Variants in PPP1R12B observed in about 807,000 individuals in gnomAD.
PPP1R12B encodes myosin phosphatase target subunit 2.
In PPP1R12B, 76 loss-of-function variants were observed where a neutral mutation model predicts 126.1. The observed-to-expected ratio is 0.60, with a 90% CI of 0.50 to 0.73. The LOEUF (loss-of-function observed/expected upper bound fraction) is 0.73, where lower values mean the gene tolerates loss of function less well. Ranked by LOEUF, PPP1R12B falls within the 30% of genes least tolerant of loss-of-function variation. PPP1R12B has a pLI of 0.00. For synonymous variants in PPP1R12B, 356 were observed against 434.7 expected, an observed-to-expected ratio of 0.82 and a Z score of 2.25; for missense variants, 1,052 against 1,205.1, an observed-to-expected ratio of 0.87 and a Z score of 1.88.
At chr1:202,404,094 A>T (rs1403617650) in intron 1 of PPP1R12B, among the ~76,000 whole-genome samples, 2 of 152,120 alleles carry the variant, frequency 1.3e-5, no homozygotes, top group Non-Finnish European at 2.9e-5. Flanking sequence ...TCTAAGATAC[A>T]ATTCTGTTAG....
chr1:202,519,945 C>T (rs1203195478), intron 18 of PPP1R12B, among the ~76,000 whole-genome samples: 1 of 152,134 alleles, frequency 6.6e-6, no homozygotes, highest in Non-Finnish European at 1.5e-5. Context: ...TGTGTGTACA[C>T]CCACACAGAA....
chr1:202,381,863 G>T (rs1405587447), intron 1 of PPP1R12B, among the ~76,000 whole-genome samples: 2 of 152,304 alleles, frequency 1.3e-5, no homozygotes, highest in South Asian at 2.1e-4. Flanking sequence ...GAAACAAAGG[G>T]CTGGAAGGAT....
At chr1:202,498,408 G>A (rs879736186) in intron 18 of PPP1R12B, among the ~76,000 whole-genome samples, 9 of 152,210 alleles carry the variant, frequency 5.9e-5, no homozygotes, top group Non-Finnish European at 1.3e-4. Context: ...GATAAGCTAA[G>A]GTTGCTATAA....
At chr1:202,452,607 A>G (rs1673144652) in intron 13 of PPP1R12B, among the ~76,000 whole-genome samples, 1 of 151,528 alleles carries the variant, frequency 6.6e-6, no homozygotes, top group African/African-American at 2.4e-5. Flanking sequence ...GGAGAGGGAG[A>G]AGGGGGTTTA....
intron 1 of PPP1R12B, among the ~76,000 whole-genome samples, chr1:202,394,065 G>A (rs2148533422): frequency 6.6e-6 from 1 of 152,254 alleles, no homozygotes; most frequent in Middle Eastern, 3.4e-3. Flanking sequence ...ATGGCCGGGT[G>A]TGGTGGCTCA....
At chr1:202,495,512 C>G in intron 16 of PPP1R12B, 30 bp downstream of exon 16, 1 of 1,608,798 alleles carries the variant, frequency 6.2e-7, no homozygotes, top group Non-Finnish European at 8.5e-7. Flanking sequence ...ACACAGGCCC[C>G]TCCACAGTGC....
intron 1 of PPP1R12B, among the ~76,000 whole-genome samples, chr1:202,402,037 G>T (rs1164846413): frequency 6.6e-6 from 1 of 152,240 alleles, no homozygotes; most frequent in Non-Finnish European, 1.5e-5. Flanking sequence ...TTTGACTGCA[G>T]ATAAGTAAGC....
intron 1 of PPP1R12B, among the ~76,000 whole-genome samples, chr1:202,415,018 A>G (rs1334449332): frequency 3.9e-5 from 6 of 152,086 alleles, no homozygotes; most frequent in African/African-American, 7.2e-5. Flanking sequence ...GGCTCAAGCA[A>G]TCCTACCACC....
At chr1:202,535,255 T>G (rs1199410914) in intron 18 of PPP1R12B, among the ~76,000 whole-genome samples, 1 of 152,196 alleles carries the variant, frequency 6.6e-6, no homozygotes, top group Non-Finnish European at 1.5e-5. Flanking sequence ...CCAAACCATG[T>G]GTACAGCACC....
chr1:202,427,820 A>AT (rs1235944436), intron 5 of PPP1R12B, among the ~76,000 whole-genome samples: 2 of 150,778 alleles, frequency 1.3e-5, no homozygotes, highest in African/African-American at 2.4e-5. Flanking sequence ...AATTTTTTGT[A>AT]TTTTTTTTAT....
intron 19 of PPP1R12B, chr1:202,562,573 C>T: frequency 2.7e-6 from 2 of 738,008 alleles, no homozygotes. Context: ...AAATGATGGT[C>T]AGCCTCCCTC....
chr1:202,577,855 G>T (rs1280456150), intron 23 of PPP1R12B, among the ~76,000 whole-genome samples: 3 of 152,160 alleles, frequency 2.0e-5, no homozygotes, highest in African/African-American at 7.2e-5. Flanking sequence ...TTTGCCCAGG[G>T]TATCTTTAAC....
intron 8 of PPP1R12B, among the ~76,000 whole-genome samples, 161 bp from the exon 9 acceptor site, chr1:202,434,495 T>G (rs992487133): frequency 2.4e-4 from 37 of 152,204 alleles, no homozygotes; most frequent in African/African-American, 8.7e-4. Context: ...CTGCCAACAG[T>G]TGCAAGAGTT....
chr1:202,551,877 A>G (rs892254217), intron 18 of PPP1R12B, among the ~76,000 whole-genome samples: 1 of 152,218 alleles, frequency 6.6e-6, no homozygotes, highest in African/African-American at 2.4e-5. Context: ...CTACCCTGCA[A>G]GGCAGTGGGT....
chr1:202,485,691 T>C (rs1678020086), intron 13 of PPP1R12B, among the ~76,000 whole-genome samples: 1 of 152,088 alleles, frequency 6.6e-6, no homozygotes, highest in African/African-American at 2.4e-5. Flanking sequence ...GCCCTGGACT[T>C]TTGTCTTCCA....
intron 5 of PPP1R12B, 21 bp downstream of exon 5, chr1:202,427,205 A>G: frequency 1.2e-6 from 2 of 1,611,642 alleles, no homozygotes; most frequent in Non-Finnish European, 8.5e-7. Flanking sequence ...CTGAACCTCT[A>G]AAAGAACAAC....
chr1:202,534,639 A>G (rs779892422), intron 18 of PPP1R12B, among the ~76,000 whole-genome samples: 21 of 125,854 alleles, frequency 1.7e-4, no homozygotes, highest in Non-Finnish European at 3.0e-4. Flanking sequence ...CAATATGTTT[A>G]CTTATTTGCT....
At chr1:202,409,161 CAG>C (rs2148591148) in intron 1 of PPP1R12B, among the ~76,000 whole-genome samples, 1 of 151,992 alleles carries the variant, frequency 6.6e-6, no homozygotes, top group African/African-American at 2.4e-5. Flanking sequence ...AGTTTATACC[CAG>C]AATTCTTCTG....
Position 202,425,717 on chromosome 1 carries a change from A to G in PPP1R12B, c.693A>G (p.Glu231=), listed in dbSNP as rs1390498034. The part of the protein sequence containing the change: ...LHVAAAKGYS[E]VLRLLIQAGY... Reference sequence around the variant, plus strand: ...TGGCTGCTGCCAAGGGCTACTCTGAAGTCCTCAGGTATTGTCCATTTACAT... The same window carrying G: ...TGGCTGCTGCCAAGGGCTACTCTGAGGTCCTCAGGTATTGTCCATTTACAT... Residue 231 remains glutamate (E), a synonymous_variant, in exon 4 of 24, where the codon GAA becomes GAG. Coordinates refer to ENST00000608999, the MANE Select transcript of PPP1R12B (RefSeq NM_002481.4). 2 of 1,613,436 alleles carry G rather than the reference A, an allele frequency of 1.2e-6. No individual in the cohort carries two copies. The highest frequency in any genetic ancestry group is 1.7e-6 in the Non-Finnish European group (2 of 1,179,672).
Sources: gnomAD v4.1 joint callset for allele counts (sites outside exome capture counted in the v4.1 genomes callset) on GRCh38, gnomAD v4.1.1 for gene constraint, MANE v1.5 for transcripts, NCBI Gene and HGNC (gene_info 2026-07-23, HGNC 2026-07-21) for gene names.